Variants in NTM observed in about 807,000 individuals in gnomAD.
NTM encodes neurotrimin, also known as IgLON family member 2.
A neutral mutation model predicts 42.1 loss-of-function variants in NTM; 13 were observed. The observed-to-expected ratio is 0.31, with a 90% CI of 0.20 to 0.49. The LOEUF (loss-of-function observed/expected upper bound fraction) is 0.49, where lower values mean the gene tolerates loss of function less well. NTM is among the 20% of genes least tolerant of loss of function. The probability of loss-of-function intolerance (pLI) is 0.99; values close to 1 mark genes in which losing one functional copy is unlikely to be tolerated. For synonymous variants in NTM, 187 were observed against 179.2 expected (o/e 1.04, Z -0.35); for missense variants, 373 against 452.8 (o/e 0.82, Z 1.60).
chr11:131,901,662 A>T (rs1228352950), intron 1 of NTM, among the ~76,000 whole-genome samples: 1 of 152,180 alleles, frequency 6.6e-6, no homozygotes, highest in African/African-American at 2.4e-5. Context: ...TTGAAAAAAA[A>T]AAAGATAGTC....
chr11:131,513,160 C>T (rs1382404633), intron 1 of NTM, among the ~76,000 whole-genome samples: 1 of 152,218 alleles, frequency 6.6e-6, no homozygotes, highest in African/African-American at 2.4e-5. Flanking sequence ...AAGCTGTGGC[C>T]CTTCCGTGGC....
intron 1 of NTM, among the ~76,000 whole-genome samples, chr11:131,564,868 T>TACACACACAC (rs58633675): frequency 9.9e-5 from 15 of 151,568 alleles, no homozygotes; most frequent in African/African-American, 3.6e-4. Context: ...TACACACACA[T>TACACACACAC]ACACACACAC....
At chr11:131,964,945 A>T (rs1246987533) in intron 2 of NTM, among the ~76,000 whole-genome samples, 2 of 152,126 alleles carry the variant, frequency 1.3e-5, no homozygotes, top group Non-Finnish European at 2.9e-5. Context: ...TTACCAAGAG[A>T]TCAATAAAAC....
chr11:131,842,682 G>GT (rs1483742094), intron 1 of NTM, among the ~76,000 whole-genome samples: 2 of 152,130 alleles, frequency 1.3e-5, no homozygotes, highest in Non-Finnish European at 2.9e-5. Context: ...AATCCAAAAT[G>GT]TTTTAGGCAA....
intron 1 of NTM, among the ~76,000 whole-genome samples, chr11:131,789,682 G>T (rs193116498): frequency 6.8e-6 from 1 of 147,088 alleles, no homozygotes; most frequent in Non-Finnish European, 1.5e-5. Context: ...ATGGGCCGGG[G>T]GCGGTGGCTC....
chr11:131,595,299 C>A (rs568373361), intron 1 of NTM, among the ~76,000 whole-genome samples: 20 of 152,228 alleles, frequency 1.3e-4, no homozygotes, highest in Admixed American at 8.5e-4. Context: ...CTGAAGGCAA[C>A]AGAAAGCTTT....
chr11:131,435,735 G>C (rs1464614189), intron 1 of NTM, among the ~76,000 whole-genome samples: 3 of 152,208 alleles, frequency 2.0e-5, no homozygotes, highest in Non-Finnish European at 2.9e-5. Flanking sequence ...TCTGCAAACA[G>C]GGACAATTTG....
intron 2 of NTM, among the ~76,000 whole-genome samples, chr11:132,031,693 C>A (rs1252432602): frequency 6.6e-6 from 1 of 152,130 alleles, no homozygotes; most frequent in East Asian, 1.9e-4. Flanking sequence ...CGTACAGATA[C>A]CAAGTAGTCA....
At chr11:132,243,600 G>A (rs1441151491) in intron 4 of NTM, among the ~76,000 whole-genome samples, 2 of 152,186 alleles carry the variant, frequency 1.3e-5, no homozygotes, top group African/African-American at 2.4e-5. Context: ...CCCATGCCTG[G>A]AGCAGGGGGC....
chr11:131,942,102 CA>C (rs2059857164), intron 2 of NTM, among the ~76,000 whole-genome samples: 2 of 152,098 alleles, frequency 1.3e-5, no homozygotes, highest in Non-Finnish European at 2.9e-5. Context: ...GTTGTCATAT[CA>C]CAGGAAGATG....
intron 1 of NTM, among the ~76,000 whole-genome samples, chr11:131,724,544 T>C (rs542717818): frequency 2.6e-5 from 4 of 152,246 alleles, no homozygotes; most frequent in African/African-American, 7.2e-5. Context: ...CAGAACCCTG[T>C]TGAAAGTTAA....
chr11:131,954,630 T>G (rs2061372590), intron 2 of NTM, among the ~76,000 whole-genome samples: 1 of 47,544 alleles, frequency 2.1e-5, no homozygotes, highest in Non-Finnish European at 4.7e-5. Context: ...TATAGAATAC[T>G]TTTTTTTTAA....
chr11:131,485,550 A>C lies in NTM; in HGVS notation c.82+114662A>C, dbSNP rs116752191. On this transcript the variant is annotated intron_variant, in intron 1 of 8. Transcript: ENST00000683400. ...AAAAGCTAAGCCTTGGTCTTTGGCC[A>C]CCAAGGCATGTCTATTTCTGAGGAT... Among the ~76,000 whole-genome samples the C allele has an allele frequency of 7.6e-3, 1,160 of 152,366 alleles. 14 individuals are homozygous for C. The highest frequency in any genetic ancestry group is 0.026 in the African/African-American group (1,088 of 41,588).
chr11:132,284,886 G>A (rs190769560), intron 4 of NTM: 28 of 152,472 alleles, frequency 1.8e-4, no homozygotes, highest in Admixed American at 1.8e-3. Flanking sequence ...GCGGATGCAT[G>A]CGTGACTTAG....
chr11:131,717,296 G>A (rs1049410530), intron 1 of NTM, among the ~76,000 whole-genome samples: 3 of 152,246 alleles, frequency 2.0e-5, no homozygotes, highest in East Asian at 1.9e-4. Flanking sequence ...GATTGAAATT[G>A]TATTGAATTT....
At chr11:131,979,519 T>C (rs1270141343) in intron 2 of NTM, among the ~76,000 whole-genome samples, 3 of 152,222 alleles carry the variant, frequency 2.0e-5, no homozygotes, top group African/African-American at 4.8e-5. Flanking sequence ...ATGTGAGCTA[T>C]GGAAATGCAA....
intron 1 of NTM, among the ~76,000 whole-genome samples, chr11:131,393,269 A>C (rs1049357171): frequency 5.3e-5 from 8 of 152,122 alleles, no homozygotes; most frequent in African/African-American, 1.9e-4. Flanking sequence ...AGAAAGCCCC[A>C]TGGGCCTGTG....
intron 2 of NTM, among the ~76,000 whole-genome samples, chr11:132,125,452 ATGTGGTGTGTAGTG>A (rs1373449708): frequency 9.9e-6 from 1 of 101,408 alleles, no homozygotes; most frequent in Non-Finnish European, 2.0e-5. Flanking sequence ...ATGAGTGTGT[ATGTGGTGTGTAGTG>A]TGTGGTGTGT....
chr11:131,545,380 A>G (rs1368568734), intron 1 of NTM, among the ~76,000 whole-genome samples: 2 of 151,264 alleles, frequency 1.3e-5, no homozygotes, highest in Middle Eastern at 3.4e-3. Flanking sequence ...TTTTTCTCTC[A>G]GCTTTCTCAT....
Sources: gnomAD v4.1 joint callset for allele counts (sites outside exome capture counted in the v4.1 genomes callset) on GRCh38, gnomAD v4.1.1 for gene constraint, MANE v1.5 for transcripts, NCBI Gene and HGNC (gene_info 2026-07-23, HGNC 2026-07-21) for gene names.